Variants in SAMD11 observed in about 807,000 individuals in gnomAD.
SAMD11 encodes the protein sterile alpha motif domain-containing protein 11.
SAMD11 carries 77 observed loss-of-function variants against 64.4 expected under a neutral mutation model. The ratio of observed to expected loss-of-function variants is 1.20; its 90% confidence interval spans 0.99 to 1.44. The LOEUF is 1.44. SAMD11 is among the 40% of genes most tolerant of loss of function. The pLI, the probability that SAMD11 is intolerant of heterozygous loss-of-function variation, is 0.00. For missense variants in SAMD11, 1,402 were observed against 943.3 expected, an observed-to-expected ratio of 1.49 and a Z score of -6.37; for synonymous variants, 658 against 421.9, an observed-to-expected ratio of 1.56 and a Z score of -6.86.
At chr1:939,590 C>T (rs1569902508) in intron 7 of SAMD11, 178 bp downstream of exon 7, 7 of 1,184,088 alleles carry the variant, frequency 5.9e-6, no homozygotes, top group Non-Finnish European at 8.2e-6. Context: ...ACACGTCCTG[C>T]CCCATGCCCC....
At chr1:938,003 G>A (rs1022583996) in intron 5 of SAMD11, among the ~76,000 whole-genome samples, 1 of 152,212 alleles carries the variant, frequency 6.6e-6, no homozygotes, top group Non-Finnish European at 1.5e-5. Flanking sequence ...GGAGGTCTTG[G>A]GTCACAGGGG....
At chr1:937,404 CCCCA>C (rs1378828572) in intron 5 of SAMD11, among the ~76,000 whole-genome samples, 4 of 150,504 alleles carry the variant, frequency 2.7e-5, no homozygotes, top group African/African-American at 9.8e-5. Flanking sequence ...CTGCCCCCCC[CCCCA>C]CCCAGTCACC....
chr1:940,328 C>G (rs993788050), intron 7 of SAMD11: 1 of 147,748 alleles, frequency 6.8e-6, no homozygotes, highest in East Asian at 2.0e-4. Context: ...CGGAGCCGGC[C>G]GTAAATAACC....
At chr1:933,667 A>C (rs1264907133) in intron 4 of SAMD11, among the ~76,000 whole-genome samples, 1 of 152,150 alleles carries the variant, frequency 6.6e-6, no homozygotes, top group Admixed American at 6.5e-5. Context: ...GATTAGGATC[A>C]TGGAAGGGAT....
At position 942,753 on chromosome 1, in the gene SAMD11, C is replaced by A; in HGVS notation, c.1748C>A (p.Pro583His). The A allele has an allele frequency of 6.6e-7, 1 of 1,511,740 alleles. No individual in the cohort carries two copies. The highest frequency in any genetic ancestry group is 8.8e-7 in the Non-Finnish European group (1 of 1,134,730). 93.6% of individuals were successfully genotyped at this position (1,511,740 alleles called of 1,614,324 possible). ...LPPQGPPGSG[P>H]PTPSRDSARR... ...CCCCAGGGGCCCCCGGGCTCCGGAC[C>A]CCCCACCCCGTCCCGGGACTCTGCC... is the stretch of plus-strand genomic sequence containing the variant. Residue 583 changes from proline to histidine, a missense_variant, in exon 11 of 14, where the codon CCC (proline) becomes CAC (histidine). By Grantham distance (77) the Pro-to-His change is moderately conservative. Transcript: ENST00000616016.
At chr1:942,357 C>A in intron 9 of SAMD11, 53 bp from the exon 10 acceptor site, 2 of 1,209,300 alleles carry the variant, frequency 1.7e-6, no homozygotes, top group Non-Finnish European at 1.1e-6. Flanking sequence ...TGCAAAGGGC[C>A]GGCTCGGACC....
chr1:939,190 C>G (rs1641615360), intron 6 of SAMD11, 61 bp downstream of exon 6: 6 of 1,552,204 alleles, frequency 3.9e-6, no homozygotes, highest in Non-Finnish European at 5.2e-6. Context: ...CCTGAGGGTC[C>G]CCTGGACCTC....
rs895034807 is a variant in SAMD11, at chr1:942,571, C to T, written c.1566C>T (p.Pro522=). The part of the protein sequence containing the change: ...RKQNLARLEL[P]ADLLRQKELE... ...GCCCCCGGCCCAGGCTGGAGCTGCCCGCCGACCTCCTGCGGCAGAAGGAGC... is the reference window on the plus strand; with the variant it reads ...GCCCCCGGCCCAGGCTGGAGCTGCCTGCCGACCTCCTGCGGCAGAAGGAGC... Residue 522 remains proline, a synonymous_variant, in exon 11 of 14, where the codon CCC becomes CCT. Transcript: ENST00000616016. 16 of 1,405,044 alleles carry T rather than the reference C, an allele frequency of 1.1e-5. No homozygotes were observed. The African/African-American group carries it at 1.4e-4, about 12-fold the overall frequency. The allele number at this position is 1,405,044 out of a possible 1,614,324, so 87.0% of individuals were successfully genotyped here.
chr1:926,107 C>T (rs1459194465), intron 2 of SAMD11, 94 bp downstream of exon 2: 42 of 1,227,762 alleles, frequency 3.4e-5, no homozygotes, highest in Non-Finnish European at 4.6e-5. Context: ...AGAGTCCTAA[C>T]CTCACCCCTG....
Position 944,376 on chromosome 1 carries a change from T to C in SAMD11, c.*223T>C. The stretch of plus-strand genomic sequence containing the variant: ...GAGGTCTGCAGACGGAGGGCAGAGG[T>C]GGTGGAAGGGGCCAGGGGCCTGCAG... On this transcript the variant is annotated 3_prime_UTR_variant, in exon 14 of 14. Coordinates refer to ENST00000616016, the MANE Select transcript of SAMD11 (RefSeq NM_001385641.1). 1 of 1,342,170 alleles carries C rather than the reference T, an allele frequency of 7.5e-7. No individual in the cohort carries two copies. The highest frequency in any genetic ancestry group is 9.5e-7 in the Non-Finnish European group (1 of 1,047,790). 83.1% of individuals were successfully genotyped at this position (1,342,170 alleles called of 1,614,324 possible). A position where few individuals can be genotyped will look rare whatever the true frequency, so the allele number is the denominator to read the frequency against.
chr1:931,306 AC>A (rs1228989971), intron 4 of SAMD11, among the ~76,000 whole-genome samples: 1 of 152,062 alleles, frequency 6.6e-6, no homozygotes, highest in Non-Finnish European at 1.5e-5. Context: ...GGGACCCCAG[AC>A]CCAGTCAGAT....
At position 942,873 on chromosome 1, in the gene SAMD11, G is replaced by A. The variant is rs368804486; in HGVS notation, c.1868G>A (p.Gly623Asp). ...MTGARLWAQDGSEDEPPKDSD... is the reference protein window; with the variant it reads ...MTGARLWAQDDSEDEPPKDSD... ...GGGGCTAGGCTCTGGGCACAAGATG[G>A]CTCGGAAGACGAGCCCCCCAAAGAC... is the stretch of plus-strand genomic sequence containing the variant. Residue 623 changes from glycine to aspartate, a missense_variant, in exon 11 of 14, where the codon GGC becomes GAC. By Grantham distance (94) the Gly-to-Asp change is moderately conservative. Transcript: ENST00000616016. 3.0e-4 allele frequency: 467 copies of A among 1,554,174 alleles called. No homozygotes were observed. Among genetic ancestry groups the A allele is most frequent in the Non-Finnish European group, 3.9e-4 (452 of 1,148,978 alleles).
intron 5 of SAMD11, among the ~76,000 whole-genome samples, chr1:937,744 G>T (rs1404985766): frequency 6.6e-6 from 1 of 152,216 alleles, no homozygotes; most frequent in Non-Finnish European, 1.5e-5. Flanking sequence ...CACCGAGGTG[G>T]GGACCCTGGA....
chr1:933,296 C>G (rs1641255621), intron 4 of SAMD11, among the ~76,000 whole-genome samples: 1 of 152,196 alleles, frequency 6.6e-6, no homozygotes, highest in Admixed American at 6.5e-5. Flanking sequence ...AACAGGTTTT[C>G]AGGGGCCGGG....
chr1:940,845 G>C (rs1641720703), intron 7 of SAMD11, among the ~76,000 whole-genome samples: 2 of 152,254 alleles, frequency 1.3e-5, no homozygotes, highest in South Asian at 2.1e-4. Context: ...CTGTGGCCTC[G>C]GGACGTCTGC....
chr1:926,319 C>G (rs1640888721), intron 2 of SAMD11, among the ~76,000 whole-genome samples: 1 of 152,242 alleles, frequency 6.6e-6, no homozygotes, highest in Non-Finnish European at 1.5e-5. Flanking sequence ...TCAGGGTCTT[C>G]TCCCTGGGAG....
At chr1:926,233 G>T (rs1030676748) in intron 2 of SAMD11, among the ~76,000 whole-genome samples, 1 of 152,248 alleles carries the variant, frequency 6.6e-6, no homozygotes, top group Non-Finnish European at 1.5e-5. Flanking sequence ...GCCCTCCCCG[G>T]TGGAGACAGG....
rs1642025375 is a variant in SAMD11, at chr1:944,450, A to G, written c.*297A>G. ...GTCTCGGTCTGCTGACGTCAGGGTC[A>G]GCTCCCCCGCGGAGCTGACTTCAGC... On this transcript the variant is annotated 3_prime_UTR_variant, in exon 14 of 14. Transcript: ENST00000616016. 7.8e-6 allele frequency: 7 copies of G among 896,734 alleles called. No homozygotes were observed. The South Asian group carries it at 1.1e-4, about 14-fold the overall frequency. The allele number at this position is 896,734 out of a possible 1,614,324, so 55.5% of individuals were successfully genotyped here. A position where few individuals can be genotyped will look rare whatever the true frequency, so the allele number is the denominator to read the frequency against.
chr1:943,483 C>T (rs375222355), intron 12 of SAMD11, 106 bp downstream of exon 12: 3 of 1,113,862 alleles, frequency 2.7e-6, no homozygotes, highest in Admixed American at 5.0e-5. Context: ...CCCTCTCCCT[C>T]CCCAAAAGCA....
Sources: allele counts gnomAD v4.1 joint callset (sites outside exome capture counted in the v4.1 genomes callset), GRCh38; gene constraint gnomAD v4.1.1; transcripts MANE v1.5; gene names NCBI Gene and HGNC (gene_info 2026-07-23, HGNC 2026-07-21).